Variants in ADGRL4 observed in about 807,000 individuals in gnomAD.
ADGRL4 encodes EGF, latrophilin and seven transmembrane domain containing 1.
ADGRL4 carries 90 observed loss-of-function variants against 74.8 expected under a neutral mutation model. That is an observed-to-expected ratio of 1.20 (90% CI 1.02 to 1.43). The LOEUF (loss-of-function observed/expected upper bound fraction) is 1.43. Ranked by LOEUF, ADGRL4 falls within the 40% of genes most tolerant of loss-of-function variation. The pLI, the probability that ADGRL4 is intolerant of heterozygous loss-of-function variation, is 0.00. For missense variants in ADGRL4, 881 were observed against 814.3 expected (o/e 1.08, Z -1.00); for synonymous variants, 311 against 279.2 (o/e 1.11, Z -1.14).
intron 2 of ADGRL4, among the ~76,000 whole-genome samples, chr1:78,960,568 T>C (rs1046087764): frequency 6.6e-6 from 1 of 152,190 alleles, no homozygotes; most frequent in African/African-American, 2.4e-5. Flanking sequence ...TATATTGTTT[T>C]AACTTTTCCA....
Position 78,927,034 on chromosome 1 carries a change from G to A in ADGRL4, c.935C>T (p.Ser312Phe). 1 of 1,609,330 alleles carries A rather than the reference G, an allele frequency of 6.2e-7. No homozygotes were observed. Among genetic ancestry groups the A allele is most frequent in the Non-Finnish European group, 8.5e-7 (1 of 1,176,628 alleles). Residue 312 changes from serine to phenylalanine, a missense_variant, in exon 8 of 15, where the codon TCT becomes TTT. Coordinates refer to ENST00000370742, the MANE Select transcript of ADGRL4 (RefSeq NM_022159.4). ...TTGAGGTTTCAATAAGAAGTTGTCA[G>A]ATGATGAAAGCAAAGGACCAATACT... Reference protein sequence around the residue: ...YKSIGPLLSSSDNFLLKPQNY... With the variant: ...YKSIGPLLSSFDNFLLKPQNY...
At chr1:78,996,507 G>A (rs1485113349) in intron 2 of ADGRL4, among the ~76,000 whole-genome samples, 2 of 152,176 alleles carry the variant, frequency 1.3e-5, no homozygotes, top group Non-Finnish European at 2.9e-5. Flanking sequence ...ACATTCCATA[G>A]AAGATAAGTG....
intron 2 of ADGRL4, among the ~76,000 whole-genome samples, chr1:78,974,125 G>T (rs573308252): frequency 6.6e-6 from 1 of 152,080 alleles, no homozygotes; most frequent in East Asian, 1.9e-4. Context: ...CCTCAAACAC[G>T]CATATAAATG....
At chr1:78,911,343 A>C (rs1648757912) in intron 12 of ADGRL4, among the ~76,000 whole-genome samples, 1 of 151,836 alleles carries the variant, frequency 6.6e-6, no homozygotes, top group African/African-American at 2.4e-5. Flanking sequence ...AAGGCCATAA[A>C]AAATTTGCCC....
At chr1:78,949,080 A>C (rs1215436462) in intron 2 of ADGRL4, among the ~76,000 whole-genome samples, 1 of 152,122 alleles carries the variant, frequency 6.6e-6, no homozygotes, top group African/African-American at 2.4e-5. Context: ...CAGATCAGTT[A>C]TTGGTAATAT....
At chr1:78,929,873 T>C (rs1201841921) in intron 7 of ADGRL4, among the ~76,000 whole-genome samples, 1 of 151,524 alleles carries the variant, frequency 6.6e-6, no homozygotes, top group East Asian at 1.9e-4. Flanking sequence ...TCTGTCACTA[T>C]AATCGGTATT....
intron 2 of ADGRL4, among the ~76,000 whole-genome samples, chr1:78,980,934 A>G (rs1413019727): frequency 2.0e-5 from 3 of 152,016 alleles, no homozygotes; most frequent in African/African-American, 7.2e-5. Context: ...ACGATCACTG[A>G]TGAAGCCTGA....
chr1:78,935,841 G>GTATACTGTACATACATCAAAT (rs1416851023), intron 7 of ADGRL4, among the ~76,000 whole-genome samples: 5 of 105,470 alleles, frequency 4.7e-5, no homozygotes, highest in African/African-American at 6.3e-5. Context: ...TGGATATTCT[G>GTATACTGTACATACATCAAAT]GGCCGGGCGC....
intron 2 of ADGRL4, among the ~76,000 whole-genome samples, chr1:78,954,153 T>C (rs1437041951): frequency 6.6e-6 from 1 of 151,312 alleles, no homozygotes; most frequent in African/African-American, 2.4e-5. Context: ...TTTCAGAAAA[T>C]AAATAAATAA....
At chr1:78,902,270 A>G (rs1417348075) in intron 12 of ADGRL4, among the ~76,000 whole-genome samples, 2 of 152,132 alleles carry the variant, frequency 1.3e-5, no homozygotes, top group Non-Finnish European at 2.9e-5. Flanking sequence ...CCCCAAAATT[A>G]AAATTTTGAG....
intron 2 of ADGRL4, among the ~76,000 whole-genome samples, chr1:78,986,310 G>A (rs113137502): frequency 8.6e-5 from 13 of 151,810 alleles, no homozygotes; most frequent in Non-Finnish European, 1.3e-4. Flanking sequence ...GTCTTTTGGC[G>A]GTGAAATCTA....
chr1:78,976,675 A>T (rs1446123251), intron 2 of ADGRL4, among the ~76,000 whole-genome samples: 3 of 151,474 alleles, frequency 2.0e-5, no homozygotes, highest in African/African-American at 4.8e-5. Flanking sequence ...CCAACGCTTG[A>T]CTTAGACAAA....
At chr1:78,958,697 T>G (rs758407309) in intron 2 of ADGRL4, among the ~76,000 whole-genome samples, 1 of 152,236 alleles carries the variant, frequency 6.6e-6, no homozygotes, top group East Asian at 1.9e-4. Context: ...ACTGTTGAAA[T>G]GACAAAAAAG....
chr1:78,929,468 A>G (rs1057410130), intron 7 of ADGRL4, among the ~76,000 whole-genome samples: 1 of 151,456 alleles, frequency 6.6e-6, no homozygotes, highest in Non-Finnish European at 1.5e-5. Flanking sequence ...GTGAGCCATG[A>G]TCATGTCACT....
intron 12 of ADGRL4, among the ~76,000 whole-genome samples, chr1:78,896,012 G>A (rs766523791): frequency 3.3e-5 from 5 of 151,898 alleles, no homozygotes; most frequent in Admixed American, 6.6e-5. Flanking sequence ...CAGTAGAGGC[G>A]AAGGAGGACA....
chr1:78,946,698 T>G (rs964376941), intron 2 of ADGRL4, among the ~76,000 whole-genome samples: 1 of 152,144 alleles, frequency 6.6e-6, no homozygotes, highest in African/African-American at 2.4e-5. Flanking sequence ...ATCTTTCAAA[T>G]TTTTACATAT....
At chr1:78,943,332 C>G (rs573223225) in intron 3 of ADGRL4, among the ~76,000 whole-genome samples, 5 of 152,206 alleles carry the variant, frequency 3.3e-5, no homozygotes, top group African/African-American at 1.2e-4. Flanking sequence ...CTCAGCTTCC[C>G]CTTGTGAAAT....
At chr1:78,907,675 G>A (rs188462362) in intron 12 of ADGRL4, among the ~76,000 whole-genome samples, 1 of 151,958 alleles carries the variant, frequency 6.6e-6, no homozygotes, top group Admixed American at 6.6e-5. Context: ...AAAGACAAAT[G>A]AGTGGTAACT....
chr1:78,986,128 A>G (rs1437109649), intron 2 of ADGRL4, among the ~76,000 whole-genome samples: 1 of 151,806 alleles, frequency 6.6e-6, no homozygotes, highest in East Asian at 1.9e-4. Context: ...GTGACACACA[A>G]TTTACGTATA....
Sources: gnomAD v4.1 joint callset for allele counts (sites outside exome capture counted in the v4.1 genomes callset) on GRCh38, gnomAD v4.1.1 for gene constraint, MANE v1.5 for transcripts, NCBI Gene and HGNC (gene_info 2026-07-23, HGNC 2026-07-21) for gene names.